CPNE1: variants seen among roughly 807,000 people sequenced by gnomAD.
CPNE1 encodes copine-1.
A neutral mutation model predicts 63.2 loss-of-function variants in CPNE1; 58 were observed. The ratio of observed to expected loss-of-function variants is 0.92; its 90% CI spans 0.74 to 1.14. The LOEUF (loss-of-function observed/expected upper bound fraction) is 1.14, where lower values mean the gene tolerates loss of function less well. Ranked by LOEUF, CPNE1 falls within the 50% of genes most tolerant of loss-of-function variation. The pLI, the probability that CPNE1 is intolerant of heterozygous loss-of-function variation, is 0.00. For missense variants in CPNE1, 672 were observed against 661.7 expected, an observed-to-expected ratio of 1.02 and a Z score of -0.17; for synonymous variants, 237 against 249.0, an observed-to-expected ratio of 0.95 and a Z score of 0.45.
Position 35,626,295 on chromosome 20 carries a change from C to T in CPNE1, c.1560G>A (p.Pro520=), listed in dbSNP as rs573636405. ...TGGCTGAGGGTGGAAGTGGCTTGAG[C>T]GGGGCCCAACCCTGGGCCCTGAAGT... ...VSYFRAQGWA[P]LKPLPPSAKD... Residue 520 remains proline, a synonymous_variant, in exon 16 of 16, where the codon CCG becomes CCA. Transcript: ENST00000397443. 2.0e-4 allele frequency: 320 copies of T among 1,613,930 alleles called. 2 individuals are homozygous for T. The Middle Eastern group carries it at 5.9e-3, about 30-fold the overall frequency.
chr20:35,662,169 A>G (rs1425236088), intron 1 of CPNE1, among the ~76,000 whole-genome samples: 1 of 152,172 alleles, frequency 6.6e-6, no homozygotes, highest in Non-Finnish European at 1.5e-5. Context: ...TCCGTACTCA[A>G]AGGCAGCAAA....
chr20:35,629,099 C>T (rs1235711627), intron 13 of CPNE1, among the ~76,000 whole-genome samples: 1 of 152,198 alleles, frequency 6.6e-6, no homozygotes, highest in Non-Finnish European at 1.5e-5. Flanking sequence ...CATATACACA[C>T]ACATACACAC....
chr20:35,630,833 G>C, intron 11 of CPNE1, 38 bp from the exon 12 acceptor site: 1 of 1,607,428 alleles, frequency 6.2e-7, no homozygotes, highest in South Asian at 1.1e-5. Flanking sequence ...AGGCAGTGAG[G>C]GGACTGTAAG....
In CPNE1 at chr20:35,627,187, C is replaced by CAAAA. The variant is rs746796889; in HGVS notation, c.1236+89_1236+92dup. 5.9e-3 allele frequency: 3,137 copies of CAAAA among 535,086 alleles called. 44 individuals carry two copies. Among genetic ancestry groups the CAAAA allele is most frequent in the South Asian group, 0.028 (923 of 33,512 alleles). The allele number at this position is 535,086 out of a possible 1,614,324, so 33.1% of individuals were successfully genotyped here. ...TGGGTGACAGAGCAAGAGTCCATCT[C>CAAAA]AAAAAAAAAAAAAAAAAAAAAAGTC... is the stretch of plus-strand genomic sequence containing the variant. On this transcript the variant is annotated intron_variant, in intron 14 of 15. Transcript: ENST00000397443.
chr20:35,630,809 G>C lies in CPNE1; in HGVS notation c.996-14C>G. On this transcript the variant is annotated splice_polypyrimidine_tract_variant and intron_variant, in intron 11 of 15. Coordinates refer to ENST00000397443, the MANE Select transcript of CPNE1 (RefSeq NM_152925.3). Reference sequence around the variant, plus strand: ...AACAGCTTGTCTCTGTGGGAGGACAGTGTATTGGGCAAAAGGCAGTGAGGG... The same window carrying C: ...AACAGCTTGTCTCTGTGGGAGGACACTGTATTGGGCAAAAGGCAGTGAGGG... 1 of 1,612,502 alleles carries C rather than the reference G, an allele frequency of 6.2e-7. No individual in the cohort carries two copies. Among genetic ancestry groups the C allele is most frequent in the South Asian group, 1.1e-5 (1 of 90,956 alleles).
rs768429142 is a variant in CPNE1 at position 35,626,393 on chromosome 20, AG to A, written c.1474-13del. On this transcript the variant is annotated splice_polypyrimidine_tract_variant and intron_variant, in intron 15 of 15. Coordinates refer to ENST00000397443, the MANE Select transcript of CPNE1 (RefSeq NM_152925.3). The stretch of plus-strand genomic sequence containing the variant: ...GCCTCCCGAGGGGCCTGCCAAGAAA[AG>A]GGAAAAGTCAGTGGTGGCCCAGAAC... 2.7e-5 allele frequency: 43 copies of A among 1,613,442 alleles called. No homozygotes were observed. The East Asian group carries it at 3.1e-4, about 12-fold the overall frequency.
intron 1 of CPNE1, among the ~76,000 whole-genome samples, chr20:35,657,994 A>T (rs1260626361): frequency 6.6e-6 from 1 of 152,040 alleles, no homozygotes; most frequent in African/African-American, 2.4e-5. Flanking sequence ...CCCGGGAGGC[A>T]GAGATCACGC....
At chr20:35,652,796 G>T (rs1246662867) in intron 1 of CPNE1, 3 of 1,609,094 alleles carry the variant, frequency 1.9e-6, no homozygotes, top group Non-Finnish European at 2.5e-6. Flanking sequence ...AAGCCAGGGG[G>T]ACCACCAATA....
chr20:35,627,349 G>T lies in CPNE1; in HGVS notation c.1167C>A (p.Thr389=), dbSNP rs759299015. 1.2e-6 allele frequency: 2 copies of T among 1,614,158 alleles called. No homozygotes were observed. Among genetic ancestry groups the T allele is most frequent in the South Asian group, 2.2e-5 (2 of 91,078 alleles). The change falls in exon 14 of 16, where the codon ACC becomes ACA. Residue 389 remains threonine, a synonymous_variant. Transcript: ENST00000397443. ...CATGGTTGATGATGGGTGCAAAGTTGGTAGGGCCATAGAGGCGAACTTGGG... is the reference window on the plus strand; with the variant it reads ...CATGGTTGATGATGGGTGCAAAGTTTGTAGGGCCATAGAGGCGAACTTGGG... ...ALPQVRLYGP[T]NFAPIINHVA...
intron 3 of CPNE1, 42 bp downstream of exon 3, chr20:35,632,475 C>T (rs1026684842): frequency 2.5e-6 from 4 of 1,609,314 alleles, no homozygotes; most frequent in Non-Finnish European, 3.4e-6. Context: ...GGTTGTCTCA[C>T]AGACCTGCAT....
At chr20:35,645,104 C>G (rs1217633264) in intron 1 of CPNE1, among the ~76,000 whole-genome samples, 1 of 152,142 alleles carries the variant, frequency 6.6e-6, no homozygotes, top group African/African-American at 2.4e-5. Flanking sequence ...TCACCAAATA[C>G]CTGTGCATCT....
chr20:35,662,306 C>T (rs762365672), intron 1 of CPNE1, among the ~76,000 whole-genome samples: 2 of 152,174 alleles, frequency 1.3e-5, no homozygotes, highest in Non-Finnish European at 2.9e-5. Flanking sequence ...ATACTTCTAA[C>T]CTAAACAACC....
intron 1 of CPNE1, chr20:35,659,126 T>G: frequency 2.5e-6 from 1 of 402,788 alleles, no homozygotes; most frequent in Non-Finnish European, 4.4e-6. Context: ...AGTACTTCAT[T>G]AGAATGCATA....
chr20:35,654,302 G>A (rs750363901), intron 1 of CPNE1: 5 of 1,613,982 alleles, frequency 3.1e-6, no homozygotes, highest in Non-Finnish European at 2.5e-6. Context: ...CCATTATTTC[G>A]ACCTACATGA....
intron 1 of CPNE1, among the ~76,000 whole-genome samples, chr20:35,634,889 A>G (rs2032397508): frequency 6.8e-6 from 1 of 146,834 alleles, no homozygotes; most frequent in Non-Finnish European, 1.5e-5. Flanking sequence ...ACAGGTGTGC[A>G]TCACCACACC....
chr20:35,630,579 G>A (rs2032056860), intron 12 of CPNE1, 89 bp from the exon 13 acceptor site: 1 of 1,494,526 alleles, frequency 6.7e-7, no homozygotes, highest in South Asian at 1.1e-5. Flanking sequence ...ATTCCTATAG[G>A]AGCTATGGAG....
At chr20:35,649,214 C>G (rs949468945) in intron 1 of CPNE1, 1 of 152,192 alleles carries the variant, frequency 6.6e-6, no homozygotes, top group African/African-American at 2.4e-5. Flanking sequence ...AAAGATTTGA[C>G]TAGCAGCAAT....
intron 1 of CPNE1, among the ~76,000 whole-genome samples, chr20:35,663,931 G>C (rs1221878309): frequency 6.6e-6 from 1 of 152,076 alleles, no homozygotes; most frequent in African/African-American, 2.4e-5. Flanking sequence ...CAGCCCACTG[G>C]ATCTCGTCCT....
chr20:35,654,688 G>A (rs765751752), intron 1 of CPNE1: 18 of 1,613,582 alleles, frequency 1.1e-5, no homozygotes, highest in Non-Finnish European at 1.5e-5. Flanking sequence ...AGGTACTGGA[G>A]GAGGAACTGG....
Sources: gnomAD v4.1 joint callset for allele counts (sites outside exome capture counted in the v4.1 genomes callset) on GRCh38, gnomAD v4.1.1 for gene constraint, MANE v1.5 for transcripts, NCBI Gene and HGNC (gene_info 2026-07-23, HGNC 2026-07-21) for gene names.